Variants in SERINC5 observed in about 807,000 individuals in gnomAD.
SERINC5 encodes the protein serine incorporator 5.
Under a neutral mutation model 63.1 loss-of-function variants are expected in SERINC5, and 41 were observed. The observed-to-expected ratio is 0.65, with a 90% confidence interval of 0.51 to 0.84. SERINC5 has a LOEUF of 0.84. Among genes scored for constraint, SERINC5 ranks in the 40% least tolerant of loss-of-function variants. SERINC5 has a pLI of 0.00. For synonymous variants in SERINC5, 222 were observed against 215.2 expected, an observed-to-expected ratio of 1.03 and a Z score of -0.28; for missense variants, 523 against 573.0, an observed-to-expected ratio of 0.91 and a Z score of 0.89.
At chr5:80,229,789 T>C (rs1355163494) in intron 1 of SERINC5, among the ~76,000 whole-genome samples, 1 of 152,232 alleles carries the variant, frequency 6.6e-6, no homozygotes, top group Non-Finnish European at 1.5e-5. Context: ...GCTCATTTCA[T>C]TCAATACAAG....
intron 11 of SERINC5, 123 bp from the exon 12 acceptor site, chr5:80,143,933 G>T: frequency 8.5e-7 from 1 of 1,173,356 alleles, no homozygotes; most frequent in Non-Finnish European, 1.2e-6. Context: ...ACAGACTTGT[G>T]CTACCATCAA....
chr5:80,161,046 A>ATATG (rs1554061924), intron 7 of SERINC5, among the ~76,000 whole-genome samples: 17 of 140,936 alleles, frequency 1.2e-4, no homozygotes, highest in South Asian at 2.2e-4. Context: ...GTATATATAT[A>ATATG]TATGTATGTA....
Position 80,139,194 on chromosome 5 carries a change from CAA to C in SERINC5, c.*4467_*4468del. The C allele has an allele frequency of 6.1e-6, 6 of 980,926 alleles. No homozygotes were observed. The highest frequency in any genetic ancestry group is 7.3e-6 in the Non-Finnish European group (6 of 825,906). 60.8% of individuals were successfully genotyped at this position (980,926 alleles called of 1,614,324 possible). A position where few individuals can be genotyped will look rare whatever the true frequency, so the allele number is the denominator to read the frequency against. On this transcript the variant is annotated 3_prime_UTR_variant, in exon 12 of 12. Coordinates refer to ENST00000507668, the MANE Select transcript of SERINC5 (RefSeq NM_001174072.3). ...GTTTCAGAAAAGTTTAAAAAATTAG[CAA>C]AGTTATATCTATAAAACTTTTGTAG...
chr5:80,137,139 CA>C (rs869035894), downstream of SERINC5, among the ~76,000 whole-genome samples: 569 of 67,722 alleles, frequency 8.4e-3, 8 homozygotes, highest in African/African-American at 0.024. Context: ...GACCCTGTCT[CA>C]AAAAAAAAAA....
chr5:80,136,361 C>A (rs961736099), downstream of SERINC5, among the ~76,000 whole-genome samples: 1 of 152,150 alleles, frequency 6.6e-6, no homozygotes, highest in African/African-American at 2.4e-5. Context: ...AAAGGAAGTG[C>A]GGTCCACAGC....
In SERINC5 at chr5:80,175,001, G is replaced by A; in HGVS notation, c.504C>T (p.Ile168=). The part of the protein sequence containing the change: ...GAVGGFLFIG[I]QLLLLVEFAH... Reference sequence around the variant, plus strand: ...CAAACTCCACGAGCAGGAGGAGCTGGATGCCAATGAAGAGGAAGCCTCCGA... The same window carrying A: ...CAAACTCCACGAGCAGGAGGAGCTGAATGCCAATGAAGAGGAAGCCTCCGA... The change falls in exon 5 of 12, where the codon ATC becomes ATT. Residue 168 remains isoleucine (I), a synonymous_variant. Transcript: ENST00000507668. 6.2e-7 allele frequency: 1 copy of A among 1,603,260 alleles called. No individual in the cohort carries two copies. Among genetic ancestry groups the A allele is most frequent in the Non-Finnish European group, 8.5e-7 (1 of 1,174,752 alleles).
chr5:80,244,499 GCCA>G (rs1752082773), intron 1 of SERINC5, among the ~76,000 whole-genome samples: 1 of 151,656 alleles, frequency 6.6e-6, no homozygotes, highest in Non-Finnish European at 1.5e-5. Flanking sequence ...ACAGACAGGA[GCCA>G]CCACACCTGG....
At chr5:80,147,818 C>T (rs1475746031) in intron 9 of SERINC5, among the ~76,000 whole-genome samples, 4 of 152,174 alleles carry the variant, frequency 2.6e-5, no homozygotes, top group African/African-American at 7.2e-5. Flanking sequence ...GCTCCCTTCT[C>T]GTGCTTTGCT....
At position 80,122,212 on chromosome 5, in the gene SERINC5, T is replaced by TATATATAA. The variant is rs777568982; in HGVS notation, c.1239-8588_1239-8587insTTATATAT. The stretch of plus-strand genomic sequence containing the variant: ...AGAACTAATAGTATATATATATATA[T>TATATATAA]AATATGAGTTTATTAAATATTAGCT... On this transcript the variant is annotated intron_variant, in intron 11 of 12. Coordinates refer to the SERINC5 transcript ENST00000509193. 5.8e-4 allele frequency among the ~76,000 whole-genome samples: 82 copies of TATATATAA among 142,600 alleles called. 6 individuals carry two copies. Among genetic ancestry groups the TATATATAA allele is most frequent in the African/African-American group, 2.2e-3 (78 of 35,236 alleles). The allele number at this position is 142,600 out of a possible 152,430, so 93.6% of individuals were successfully genotyped here. A position where few individuals can be genotyped will look rare whatever the true frequency, so the allele number is the denominator to read the frequency against.
In SERINC5 at chr5:80,256,040, C is replaced by A; in HGVS notation, c.-118G>T. On this transcript the variant is annotated 5_prime_UTR_variant, in exon 1 of 12. Coordinates refer to ENST00000507668, the MANE Select transcript of SERINC5 (RefSeq NM_001174072.3). Reference sequence around the variant, plus strand: ...CAGCTCACACTTGAACGAAGATCAGCCTCGGCGAAGCGCCTAGGCGCCGAG... The same window carrying A: ...CAGCTCACACTTGAACGAAGATCAGACTCGGCGAAGCGCCTAGGCGCCGAG... The A allele has an allele frequency of 9.0e-7, 1 of 1,112,812 alleles. No individual in the cohort carries two copies. The highest frequency in any genetic ancestry group is 1.8e-5 in the South Asian group (1 of 56,426). The allele number at this position is 1,112,812 out of a possible 1,614,324, so 68.9% of individuals were successfully genotyped here.
intron 2 of SERINC5, among the ~76,000 whole-genome samples, chr5:80,180,999 C>A (rs928721526): frequency 2.0e-5 from 3 of 152,052 alleles, no homozygotes; most frequent in Non-Finnish European, 2.9e-5. Context: ...TACTTATGAG[C>A]AATTTGAGGG....
At chr5:80,182,092 T>C (rs1393690265) in intron 2 of SERINC5, among the ~76,000 whole-genome samples, 5 of 152,358 alleles carry the variant, frequency 3.3e-5, no homozygotes, top group East Asian at 1.9e-4. Context: ...GGCTGGAACC[T>C]GTGTGCCTGC....
chr5:80,125,501 A>C (rs1036668939), intron 11 of SERINC5, among the ~76,000 whole-genome samples: 1 of 152,208 alleles, frequency 6.6e-6, no homozygotes, highest in Non-Finnish European at 1.5e-5. Context: ...TCTGTTTGAC[A>C]TGAGCTATAT....
intron 1 of SERINC5, among the ~76,000 whole-genome samples, chr5:80,222,345 A>G (rs1216627863): frequency 6.6e-6 from 1 of 152,128 alleles, no homozygotes; most frequent in Non-Finnish European, 1.5e-5. Context: ...GGCGGGACAA[A>G]GCTTTGCTGA....
chr5:80,198,324 A>C (rs1749630984), intron 2 of SERINC5, among the ~76,000 whole-genome samples: 1 of 152,176 alleles, frequency 6.6e-6, no homozygotes, highest in South Asian at 2.1e-4. Context: ...CTCTGAGCCA[A>C]AGTTCTCCTG....
At chr5:80,124,630 C>G (rs1280145347) in intron 11 of SERINC5, among the ~76,000 whole-genome samples, 1 of 152,172 alleles carries the variant, frequency 6.6e-6, no homozygotes, top group African/African-American at 2.4e-5. Flanking sequence ...TCTGGAAAAG[C>G]AATCCGAGCT....
At position 80,177,868 on chromosome 5, in the gene SERINC5, G is replaced by C; in HGVS notation, c.374+18C>G. 6.3e-7 allele frequency: 1 copy of C among 1,587,132 alleles called. No homozygotes were observed. Among genetic ancestry groups the C allele is most frequent in the Non-Finnish European group, 8.6e-7 (1 of 1,167,512 alleles). The stretch of plus-strand genomic sequence containing the variant: ...TAAGAAAGGAGAAAGCAATCCCCAA[G>C]AAGACTAAAATACTTACCCATTGTG... On this transcript the variant is annotated intron_variant, in intron 3 of 11. Coordinates refer to ENST00000507668, the MANE Select transcript of SERINC5 (RefSeq NM_001174072.3).
intron 2 of SERINC5, among the ~76,000 whole-genome samples, chr5:80,187,482 G>C (rs1748884299): frequency 6.6e-6 from 1 of 151,802 alleles, no homozygotes; most frequent in Non-Finnish European, 1.5e-5. Context: ...CCTGTTATTG[G>C]TCAGTGGACA....
At chr5:80,118,383 G>T (rs756076691) in intron 11 of SERINC5, among the ~76,000 whole-genome samples, 1 of 152,050 alleles carries the variant, frequency 6.6e-6, no homozygotes, top group Non-Finnish European at 1.5e-5. Flanking sequence ...CCAGATGCTG[G>T]GTAGCTTACA....
Sources: allele counts gnomAD v4.1 joint callset (sites outside exome capture counted in the v4.1 genomes callset), GRCh38; gene constraint gnomAD v4.1.1; transcripts MANE v1.5; gene names NCBI Gene and HGNC (gene_info 2026-07-23, HGNC 2026-07-21).